ZNF880: variants seen among roughly 807,000 people sequenced by gnomAD.
The protein encoded by ZNF880 is zinc finger protein 880.
Under a neutral mutation model 11.8 loss-of-function variants are expected in ZNF880, and 12 were observed. The ratio of observed to expected loss-of-function variants is 1.02; its 90% CI spans 0.65 to 1.65. ZNF880 has a LOEUF of 1.65. Ranked by LOEUF, ZNF880 falls within the 40% of genes most tolerant of loss-of-function variation. ZNF880 has a pLI of 0.00. For synonymous variants in ZNF880, 210 were observed against 232.4 expected (o/e 0.90, Z 0.88); for missense variants, 601 against 673.9 (o/e 0.89, Z 1.20).
the ZNF880 span, among the ~76,000 whole-genome samples, chr19:52,394,483 C>T: frequency 6.6e-6 from 1 of 152,132 alleles, no homozygotes; most frequent in Non-Finnish European, 1.5e-5. Context: ...GATCTGCCTG[C>T]CTTGGCCTCC....
upstream of ZNF880, among the ~76,000 whole-genome samples, chr19:52,369,021 A>G (rs929954385): frequency 6.7e-6 from 1 of 148,852 alleles, no homozygotes; most frequent in Admixed American, 6.8e-5. Flanking sequence ...GAGTATGTCC[A>G]TAAGACAATG....
At chr19:52,380,738 A>G (rs1986684849) in intron 3 of ZNF880, among the ~76,000 whole-genome samples, 1 of 152,114 alleles carries the variant, frequency 6.6e-6, no homozygotes, top group South Asian at 2.1e-4. Flanking sequence ...GTGCAGTGGT[A>G]CAGTTATAGC....
chr19:52,371,813 TG>T (rs1986381533), intron 1 of ZNF880, among the ~76,000 whole-genome samples: 1 of 152,198 alleles, frequency 6.6e-6, no homozygotes, highest in South Asian at 2.1e-4. Flanking sequence ...GGGAACAGAT[TG>T]TTCTTTTATG....
In ZNF880 at chr19:52,369,953, TGGA is replaced by T; in HGVS notation, c.-11_-9del. On this transcript the variant is annotated 5_prime_UTR_variant, in exon 1 of 4. Transcript: ENST00000422689. ...CCTGGAGACCCGGAAGCAGATTACGTGGAGTGACGGTCATGCTGCGGCGTGTGA... is the reference window on the plus strand; with the variant it reads ...CCTGGAGACCCGGAAGCAGATTACGTGTGACGGTCATGCTGCGGCGTGTGA... 2 of 1,551,634 alleles carry T rather than the reference TGGA, an allele frequency of 1.3e-6. No homozygotes were observed. The highest frequency in any genetic ancestry group is 2.4e-5 in the South Asian group (2 of 84,062).
rs374952867 is a variant in ZNF880, at chr19:52,369,949, T to C, written c.-17T>C. ...GTTTCCTGGAGACCCGGAAGCAGAT[T>C]ACGTGGAGTGACGGTCATGCTGCGG... On this transcript the variant is annotated 5_prime_UTR_variant, in exon 1 of 4. Coordinates refer to ENST00000422689, the MANE Select transcript of ZNF880 (RefSeq NM_001145434.2). 4.4e-5 allele frequency: 69 copies of C among 1,551,516 alleles called. No homozygotes were observed. Among genetic ancestry groups the C allele is most frequent in the Non-Finnish European group, 5.8e-5 (66 of 1,146,976 alleles).
At chr19:52,383,693 G>A (rs773718310) in intron 3 of ZNF880, among the ~76,000 whole-genome samples, 156 bp from the exon 4 acceptor site, 4 of 152,080 alleles carry the variant, frequency 2.6e-5, no homozygotes, top group Non-Finnish European at 4.4e-5. Flanking sequence ...GCATCCTTCC[G>A]TCCCTTTTGT....
intron 1 of ZNF880, 140 bp from the exon 2 acceptor site, chr19:52,372,969 AAC>A (rs1480517827): frequency 2.9e-6 from 2 of 700,808 alleles, no homozygotes; most frequent in African/African-American, 1.8e-5. Flanking sequence ...AGTATATTAA[AAC>A]ACAATTAGAA....
In ZNF880 at chr19:52,376,509, C is replaced by CTTTTTTTTTT. The variant is rs869288387; in HGVS notation, c.268+2091_268+2100dup. Among the ~76,000 whole-genome samples the CTTTTTTTTTT allele has an allele frequency of 3.4e-4, 20 of 58,324 alleles. 4 individuals carry two copies. Among genetic ancestry groups the CTTTTTTTTTT allele is most frequent in the East Asian group, 7.5e-4 (1 of 1,340 alleles). The allele number at this position is 58,324 out of a possible 152,430, so 38.3% of individuals were successfully genotyped here. ...GTCCTTAGCACCGCCCCCCCCCCCC[C>CTTTTTTTTTT]TTTTTTTTTTTTTTTTTTGAGACAG... On this transcript the variant is annotated intron_variant, in intron 3 of 3. Transcript: ENST00000422689.
At chr19:52,374,203 C>T in intron 2 of ZNF880, 96 bp from the exon 3 acceptor site, 1 of 1,105,380 alleles carries the variant, frequency 9.0e-7, no homozygotes, top group East Asian at 2.6e-5. Context: ...CGCCACCACG[C>T]CCCGCTAATT....
intron 1 of ZNF880, among the ~76,000 whole-genome samples, chr19:52,372,783 G>A (rs1368263650): frequency 2.0e-5 from 3 of 149,884 alleles, no homozygotes; most frequent in Non-Finnish European, 4.4e-5. Flanking sequence ...GGTGGCGGGC[G>A]CCTGTAGTCC....
chr19:52,394,275 C>T, the ZNF880 span, among the ~76,000 whole-genome samples: 5 of 151,966 alleles, frequency 3.3e-5, no homozygotes, highest in Admixed American at 2.0e-4. Flanking sequence ...CTTACTCTGT[C>T]ATCCTGGCTG....
At chr19:52,379,524 G>A (rs1287256047) in intron 3 of ZNF880, 1 of 436,830 alleles carries the variant, frequency 2.3e-6, no homozygotes, top group African/African-American at 2.1e-5. Context: ...GCCTCCCCAA[G>A]TGCTAGGATT....
At chr19:52,368,973 CAAAAAAAA>C (rs3029482), upstream of ZNF880, among the ~76,000 whole-genome samples, 8 of 71,854 alleles carry the variant, frequency 1.1e-4, no homozygotes, top group Admixed American at 4.3e-4. Context: ...GAGACCATCT[CAAAAAAAA>C]AAAAAAAAAA....
downstream of ZNF880, among the ~76,000 whole-genome samples, chr19:52,388,211 G>GT (rs1016223631): frequency 4.1e-3 from 580 of 142,156 alleles, 4 homozygotes; most frequent in African/African-American, 0.015. Flanking sequence ...TAGAATGGGA[G>GT]TTTTTTTTGC....
chr19:52,381,994 T>A (rs1568663793), intron 3 of ZNF880, among the ~76,000 whole-genome samples: 1 of 152,146 alleles, frequency 6.6e-6, no homozygotes, highest in Non-Finnish European at 1.5e-5. Flanking sequence ...TAGTGCTTTT[T>A]AAATGATTTT....
chr19:52,387,115 T>C (rs936265746), downstream of ZNF880, among the ~76,000 whole-genome samples: 3 of 144,890 alleles, frequency 2.1e-5, no homozygotes, highest in Non-Finnish European at 4.5e-5. Flanking sequence ...CACTGAGTTA[T>C]GTAGCAGTGA....
the ZNF880 span, among the ~76,000 whole-genome samples, chr19:52,393,474 T>C: frequency 1.1e-4 from 16 of 152,054 alleles, no homozygotes; most frequent in African/African-American, 3.6e-4. Flanking sequence ...CTAGGTTTAC[T>C]GTAAATATGA....
At chr19:52,388,281 A>AATTTTTTTTTTTTTTT (rs1298446341), downstream of ZNF880, among the ~76,000 whole-genome samples, 2 of 38,902 alleles carry the variant, frequency 5.1e-5, no homozygotes, top group East Asian at 3.8e-4. Context: ...GGCAATTTGA[A>AATTTTTTTTTTTTTTT]CTTTTTTTTT....
intron 1 of ZNF880, 81 bp from the exon 2 acceptor site, chr19:52,373,030 C>T (rs1986434013): frequency 7.0e-7 from 1 of 1,437,888 alleles, no homozygotes; most frequent in South Asian, 1.1e-5. Context: ...GTCAGAACAT[C>T]CACTTCAATC....
Sources: allele counts gnomAD v4.1 joint callset (sites outside exome capture counted in the v4.1 genomes callset), GRCh38; gene constraint gnomAD v4.1.1; transcripts MANE v1.5; gene names NCBI Gene and HGNC (gene_info 2026-07-23, HGNC 2026-07-21).